The following ASTN2 variants were observed in gnomAD, a reference collection of about 807,000 sequenced individuals.
The protein encoded by ASTN2 is astrotactin 2.
In ASTN2, 54 loss-of-function variants were observed where a neutral mutation model predicts 139.8. That is an observed-to-expected ratio of 0.39 (90% CI 0.31 to 0.48). The LOEUF (loss-of-function observed/expected upper bound fraction) is 0.48. Ranked by LOEUF, ASTN2 falls within the 20% of genes least tolerant of loss-of-function variation. ASTN2 has a pLI of 0.95. For missense variants in ASTN2, 1,565 were observed against 1,725.1 expected (o/e 0.91, Z 1.64); for synonymous variants, 756 against 719.5 (o/e 1.05, Z -0.81).
intron 16 of ASTN2, among the ~76,000 whole-genome samples, chr9:116,708,734 A>G (rs1022244803): frequency 6.6e-6 from 1 of 152,244 alleles, no homozygotes. Context: ...CTTGCCAGAA[A>G]CAGCATTCGC....
At chr9:116,922,315 T>G (rs1261698520) in intron 10 of ASTN2, among the ~76,000 whole-genome samples, 3 of 152,244 alleles carry the variant, frequency 2.0e-5, no homozygotes, top group African/African-American at 7.2e-5. Context: ...GCCCTGTGTT[T>G]GGTTATGATT....
intron 4 of ASTN2, among the ~76,000 whole-genome samples, chr9:117,108,606 T>C (rs778821929): frequency 2.0e-5 from 3 of 152,130 alleles, no homozygotes; most frequent in Non-Finnish European, 4.4e-5. Flanking sequence ...AATAAACACA[T>C]GCAGAAATTA....
intron 16 of ASTN2, among the ~76,000 whole-genome samples, chr9:116,659,274 T>C (rs553740749): frequency 3.9e-5 from 6 of 152,302 alleles, no homozygotes; most frequent in Admixed American, 3.9e-4. Flanking sequence ...CCATTTTTAA[T>C]GAACATTTGC....
At chr9:116,548,622 C>G (rs4837615) in intron 19 of ASTN2, among the ~76,000 whole-genome samples, 26,374 of 151,938 alleles carry the variant, frequency 0.17, 2,613 homozygotes, top group African/African-American at 0.26. Context: ...ACAGGTGCCC[C>G]CCACTATGCT....
intron 3 of ASTN2, among the ~76,000 whole-genome samples, chr9:117,202,970 C>A (rs1427177020): frequency 6.6e-6 from 1 of 152,086 alleles, no homozygotes; most frequent in Admixed American, 6.5e-5. Flanking sequence ...TTCTGGTACT[C>A]CAATCAATTG....
At chr9:116,776,215 T>G (rs1472854043) in intron 13 of ASTN2, among the ~76,000 whole-genome samples, 1 of 152,230 alleles carries the variant, frequency 6.6e-6, no homozygotes, top group African/African-American at 2.4e-5. Context: ...CTTTTATGTG[T>G]CTGCTTTCTA....
chr9:116,869,722 C>G (rs2132350624), intron 10 of ASTN2, among the ~76,000 whole-genome samples: 1 of 152,288 alleles, frequency 6.6e-6, no homozygotes, highest in East Asian at 1.9e-4. Flanking sequence ...GCCATACAGT[C>G]TCTGTCCCAA....
chr9:117,134,867 T>C (rs987820525), intron 4 of ASTN2, among the ~76,000 whole-genome samples: 1 of 152,070 alleles, frequency 6.6e-6, no homozygotes, highest in Non-Finnish European at 1.5e-5. Context: ...CTAAAAACAT[T>C]GAGAGTGGAT....
At chr9:117,157,455 A>G (rs957288469) in intron 3 of ASTN2, among the ~76,000 whole-genome samples, 5 of 152,032 alleles carry the variant, frequency 3.3e-5, no homozygotes, top group South Asian at 4.1e-4. Flanking sequence ...TGGGCTGGAC[A>G]TCAAAATGAA....
At chr9:117,218,909 G>C (rs897418186) in intron 2 of ASTN2, among the ~76,000 whole-genome samples, 2 of 152,072 alleles carry the variant, frequency 1.3e-5, no homozygotes, top group Non-Finnish European at 2.9e-5. Flanking sequence ...CTTTATCAAG[G>C]GAAGTGAGAT....
At chr9:116,830,651 G>T (rs768300277) in intron 11 of ASTN2, among the ~76,000 whole-genome samples, 3 of 151,706 alleles carry the variant, frequency 2.0e-5, no homozygotes, top group Non-Finnish European at 2.9e-5. Context: ...AATTAGCCAG[G>T]CATGGTGGCA....
intron 10 of ASTN2, among the ~76,000 whole-genome samples, chr9:116,899,894 A>G (rs1269601802): frequency 6.6e-6 from 1 of 152,128 alleles, no homozygotes; most frequent in Non-Finnish European, 1.5e-5. Context: ...CCGATATCCA[A>G]GCAGACCCGT....
rs1832738205 is a variant in ASTN2 at position 116,856,281 on chromosome 9, G to A, written c.2040+7302C>T. Among the ~76,000 whole-genome samples, 4 of 152,288 alleles carry A rather than the reference G, an allele frequency of 2.6e-5. No homozygotes were observed. In the South Asian group the frequency reaches 8.3e-4, roughly 32 times the overall value. ...GATCTACAGGGATAAATTTAGCTTT[G>A]AAAGTCCATTTCTGGAAAGGAAAAA... On this transcript the variant is annotated intron_variant, in intron 11 of 22. Transcript: ENST00000313400.
intron 19 of ASTN2, among the ~76,000 whole-genome samples, chr9:116,541,354 T>A (rs1480177540): frequency 6.6e-6 from 1 of 152,162 alleles, no homozygotes. Context: ...CTTGAACAGA[T>A]GGACAATACA....
chr9:116,682,145 C>G (rs945485852), intron 16 of ASTN2, among the ~76,000 whole-genome samples: 4 of 152,036 alleles, frequency 2.6e-5, no homozygotes, highest in African/African-American at 9.7e-5. Context: ...GGGCTAATAT[C>G]CAGAATCTAC....
intron 1 of ASTN2, among the ~76,000 whole-genome samples, chr9:117,342,143 T>C (rs1386715098): frequency 6.6e-6 from 1 of 152,172 alleles, no homozygotes; most frequent in African/African-American, 2.4e-5. Context: ...ATTCATTAAC[T>C]GTTGTTAACG....
chr9:116,931,602 T>C (rs1188128621), intron 10 of ASTN2, among the ~76,000 whole-genome samples: 2 of 152,214 alleles, frequency 1.3e-5, no homozygotes, highest in African/African-American at 4.8e-5. Context: ...CCACAAGTGA[T>C]TGTTGACAGA....
chr9:116,499,282 G>A (rs1423772523), intron 19 of ASTN2, among the ~76,000 whole-genome samples: 1 of 152,136 alleles, frequency 6.6e-6, no homozygotes, highest in Non-Finnish European at 1.5e-5. Context: ...AGAGTGTGGG[G>A]GGCACAGTAG....
chr9:117,043,920 AAAAGAAAAG>A (rs1208568266), intron 5 of ASTN2, among the ~76,000 whole-genome samples: 1 of 108,372 alleles, frequency 9.2e-6, no homozygotes, highest in Non-Finnish European at 2.1e-5. Flanking sequence ...AAAAAAAAAA[AAAAGAAAAG>A]AAAAGAAAAA....
Sources: gnomAD v4.1 joint callset for allele counts (sites outside exome capture counted in the v4.1 genomes callset) on GRCh38, gnomAD v4.1.1 for gene constraint, MANE v1.5 for transcripts, NCBI Gene and HGNC (gene_info 2026-07-23, HGNC 2026-07-21) for gene names.